LDLRAD3: variants seen among roughly 807,000 people sequenced by gnomAD.
LDLRAD3 encodes the protein low density lipoprotein receptor class A domain containing 3, also known as low-density lipoprotein receptor class A domain-containing protein 3.
Under a neutral mutation model 29.4 loss-of-function variants are expected in LDLRAD3, and 20 were observed. The ratio of observed to expected loss-of-function variants is 0.68; its 90% CI spans 0.48 to 0.99. LDLRAD3 has a LOEUF of 0.99. Among genes scored for constraint, LDLRAD3 ranks in the 50% least tolerant of loss-of-function variants. The pLI, the probability that LDLRAD3 is intolerant of heterozygous loss-of-function variation, is 0.00. For synonymous variants in LDLRAD3, 157 were observed against 192.7 expected (o/e 0.81, Z 1.53); for missense variants, 420 against 454.3 (o/e 0.92, Z 0.69).
chr11:36,127,800 T>C (rs1188595608), intron 4 of LDLRAD3, among the ~76,000 whole-genome samples: 1 of 152,144 alleles, frequency 6.6e-6, no homozygotes, highest in African/African-American at 2.4e-5. Flanking sequence ...ACACAGCTTG[T>C]AAGAATTTGA....
intron 2 of LDLRAD3, among the ~76,000 whole-genome samples, chr11:36,042,777 T>C (rs1023440786): frequency 1.3e-5 from 2 of 152,166 alleles, no homozygotes; most frequent in Admixed American, 6.5e-5. Flanking sequence ...GGGAAGATGA[T>C]GTGAAGACTT....
chr11:36,072,136 T>G (rs910474249), intron 2 of LDLRAD3, among the ~76,000 whole-genome samples: 4 of 151,916 alleles, frequency 2.6e-5, no homozygotes, highest in African/African-American at 9.7e-5. Context: ...GAGTGGGAGG[T>G]GAGCAGGGGT....
intron 1 of LDLRAD3, chr11:35,997,100 A>C (rs565110118): frequency 3.9e-6 from 1 of 259,230 alleles, no homozygotes; most frequent in African/African-American, 2.3e-5. Context: ...GGGCCATAAA[A>C]TGATGGCTAT....
At chr11:35,956,962 C>G (rs1392561871) in intron 1 of LDLRAD3, among the ~76,000 whole-genome samples, 3 of 152,296 alleles carry the variant, frequency 2.0e-5, no homozygotes, top group African/African-American at 7.2e-5. Flanking sequence ...ATCTCGATCT[C>G]CTGACCTCGT....
At chr11:35,992,107 C>T (rs1346811728) in intron 1 of LDLRAD3, among the ~76,000 whole-genome samples, 1 of 152,088 alleles carries the variant, frequency 6.6e-6, no homozygotes, top group Admixed American at 6.6e-5. Context: ...TCTTTTTGGA[C>T]AATGAAGATG....
At chr11:36,186,822 G>A (rs1247342412) in intron 4 of LDLRAD3, among the ~76,000 whole-genome samples, 1 of 152,176 alleles carries the variant, frequency 6.6e-6, no homozygotes, top group Admixed American at 6.5e-5. Flanking sequence ...TGTGGGTTAC[G>A]TGGGCATATG....
intron 4 of LDLRAD3, among the ~76,000 whole-genome samples, chr11:36,178,676 T>G (rs1854713939): frequency 6.6e-6 from 1 of 152,222 alleles, no homozygotes; most frequent in Non-Finnish European, 1.5e-5. Flanking sequence ...GCTAATTCCC[T>G]TCACATGAAA....
intron 3 of LDLRAD3, among the ~76,000 whole-genome samples, chr11:36,088,807 C>T (rs772858118): frequency 2.0e-5 from 3 of 152,136 alleles, no homozygotes; most frequent in Non-Finnish European, 4.4e-5. Flanking sequence ...TCTGGTTTGC[C>T]AAGGCTGGGC....
intron 1 of LDLRAD3, among the ~76,000 whole-genome samples, chr11:35,960,784 A>G (rs999609288): frequency 1.8e-4 from 27 of 152,144 alleles, no homozygotes; most frequent in African/African-American, 6.5e-4. Flanking sequence ...TTTAGTAGAG[A>G]CGGAGTCTCA....
intron 1 of LDLRAD3, among the ~76,000 whole-genome samples, chr11:35,996,135 C>T (rs551425074): frequency 5.9e-5 from 9 of 152,318 alleles, no homozygotes; most frequent in Non-Finnish European, 8.8e-5. Context: ...TCTTGGCTTT[C>T]GACATGCCTT....
At chr11:36,082,972 G>C (rs1032267463) in intron 3 of LDLRAD3, among the ~76,000 whole-genome samples, 1 of 152,164 alleles carries the variant, frequency 6.6e-6, no homozygotes, top group African/African-American at 2.4e-5. Context: ...CATTGGCTCT[G>C]AACAAACTTA....
intron 4 of LDLRAD3, among the ~76,000 whole-genome samples, chr11:36,115,015 G>A (rs1218103953): frequency 1.3e-5 from 2 of 152,226 alleles, no homozygotes; most frequent in African/African-American, 2.4e-5. Flanking sequence ...TATAAAAGGC[G>A]ACATGGCCTC....
chr11:36,043,321 C>T (rs1056735016), intron 2 of LDLRAD3, among the ~76,000 whole-genome samples: 1 of 152,120 alleles, frequency 6.6e-6, no homozygotes, highest in South Asian at 2.1e-4. Flanking sequence ...CAAAACAAAC[C>T]CCAAAAATTA....
intron 4 of LDLRAD3, among the ~76,000 whole-genome samples, chr11:36,098,988 T>C (rs1244223680): frequency 1.5e-5 from 2 of 136,592 alleles, no homozygotes; most frequent in African/African-American, 2.5e-5. Context: ...ACTGCTGCCC[T>C]ATTTTTTTTT....
At chr11:35,954,533 G>A (rs1851177474) in intron 1 of LDLRAD3, among the ~76,000 whole-genome samples, 1 of 152,198 alleles carries the variant, frequency 6.6e-6, no homozygotes, top group African/African-American at 2.4e-5. Flanking sequence ...AAGGAATGAA[G>A]GGGATCACTA....
intron 2 of LDLRAD3, among the ~76,000 whole-genome samples, chr11:36,070,389 C>T (rs1316874291): frequency 6.6e-6 from 1 of 152,118 alleles, no homozygotes; most frequent in Non-Finnish European, 1.5e-5. Context: ...TTGTATCTTG[C>T]ACACAAATGG....
chr11:36,218,487 A>T (rs1855382985), intron 4 of LDLRAD3, among the ~76,000 whole-genome samples: 1 of 152,242 alleles, frequency 6.6e-6, no homozygotes, highest in African/African-American at 2.4e-5. Flanking sequence ...AAGAGGCTAC[A>T]GGTGGCAAGA....
chr11:36,215,971 A>G (rs948468472), intron 4 of LDLRAD3, among the ~76,000 whole-genome samples: 2 of 152,206 alleles, frequency 1.3e-5, no homozygotes, highest in African/African-American at 4.8e-5. Context: ...TTTCTGCAGC[A>G]TCAGCTCCTG....
intron 1 of LDLRAD3, among the ~76,000 whole-genome samples, chr11:35,981,154 G>C (rs531081954): frequency 6.9e-6 from 1 of 144,258 alleles, no homozygotes; most frequent in African/African-American, 2.5e-5. Flanking sequence ...TTTCCTAAAT[G>C]CTCACGTCAT....
Sources: allele counts gnomAD v4.1 joint callset (sites outside exome capture counted in the v4.1 genomes callset), GRCh38; gene constraint gnomAD v4.1.1; transcripts MANE v1.5; gene names NCBI Gene and HGNC (gene_info 2026-07-23, HGNC 2026-07-21).